NDUFS4: variants seen among roughly 807,000 people sequenced by gnomAD.
NDUFS4 encodes NADH dehydrogenase [ubiquinone] iron-sulfur protein 4, mitochondrial.
A neutral mutation model predicts 24.3 loss-of-function variants in NDUFS4; 28 were observed. That is an observed-to-expected ratio of 1.15 (90% CI 0.85 to 1.58). NDUFS4 has a LOEUF of 1.58. Ranked by LOEUF, NDUFS4 falls within the 40% of genes most tolerant of loss-of-function variation. NDUFS4 has a pLI of 0.00. For synonymous variants in NDUFS4, 93 were observed against 69.7 expected, an observed-to-expected ratio of 1.34 and a Z score of -1.67; for missense variants, 223 against 207.9, an observed-to-expected ratio of 1.07 and a Z score of -0.45.
At position 53,603,348 on chromosome 5, in the gene NDUFS4, T is replaced by TTTC. The variant is rs1750388352; in HGVS notation, c.99-102_99-101insCTT. The stretch of plus-strand genomic sequence containing the variant: ...TTTCTTTCCTTTCCTTTTTTTTTTT[T>TTTC]TTTAATAAGACAGATATTGTTAAAG... On this transcript the variant is annotated intron_variant, in intron 1 of 4. Transcript: ENST00000296684. The TTTC allele has an allele frequency of 3.9e-6, 3 of 770,732 alleles. No homozygotes were observed. In the African/African-American group the frequency reaches 5.4e-5, roughly 14 times the overall value. The allele number at this position is 770,732 out of a possible 1,614,324, so 47.7% of individuals were successfully genotyped here. A position where few individuals can be genotyped will look rare whatever the true frequency, so the allele number is the denominator to read the frequency against.
At chr5:53,609,693 A>G (rs893089552) in intron 2 of NDUFS4, among the ~76,000 whole-genome samples, 11 of 152,250 alleles carry the variant, frequency 7.2e-5, no homozygotes, top group East Asian at 3.9e-4. Context: ...TTGAAAATCT[A>G]TTGTTTAGTA....
intron 3 of NDUFS4, among the ~76,000 whole-genome samples, chr5:53,657,842 T>C (rs1752208171): frequency 6.6e-6 from 1 of 151,748 alleles, no homozygotes; most frequent in Non-Finnish European, 1.5e-5. Context: ...CGAGAATTGC[T>C]TGAACCTGGG....
intron 1 of NDUFS4, 109 bp downstream of exon 1, chr5:53,560,869 A>G: frequency 6.4e-7 from 1 of 1,568,474 alleles, no homozygotes; most frequent in Non-Finnish European, 8.6e-7. Flanking sequence ...TCCTCTGTTG[A>G]CCCTTTTCTC....
At chr5:53,673,575 C>A (rs561379173) in intron 4 of NDUFS4, among the ~76,000 whole-genome samples, 5 of 152,260 alleles carry the variant, frequency 3.3e-5, no homozygotes, top group Non-Finnish European at 7.4e-5. Flanking sequence ...TTAGCTCTTA[C>A]AATGATAAGA....
Position 53,683,299 on chromosome 5 carries a change from C to T in NDUFS4, c.*78C>T. ...ATTTATAGTCCATGTATAATAAATACATCTCTTAATCTCCTAATAAATTGG... is the reference window on the plus strand; with the variant it reads ...ATTTATAGTCCATGTATAATAAATATATCTCTTAATCTCCTAATAAATTGG... On this transcript the variant is annotated 3_prime_UTR_variant, in exon 5 of 5. Coordinates refer to ENST00000296684, the MANE Select transcript of NDUFS4 (RefSeq NM_002495.4). 1 of 1,007,436 alleles carries T rather than the reference C, an allele frequency of 9.9e-7. No homozygotes were observed. The highest frequency in any genetic ancestry group is 1.6e-6 in the Non-Finnish European group (1 of 636,538). The allele number at this position is 1,007,436 out of a possible 1,614,324, so 62.4% of individuals were successfully genotyped here.
chr5:53,579,427 A>G (rs909510709), intron 1 of NDUFS4, among the ~76,000 whole-genome samples: 9 of 152,222 alleles, frequency 5.9e-5, no homozygotes, highest in African/African-American at 2.2e-4. Context: ...AGGCTGAATA[A>G]TGACACAGCC....
intron 1 of NDUFS4, among the ~76,000 whole-genome samples, chr5:53,576,034 C>A (rs72750150): frequency 0.26 from 39,761 of 152,166 alleles, 5,853 homozygotes; most frequent in Admixed American, 0.35. Context: ...CATTGAATCA[C>A]TGGTTTAGAC....
At chr5:53,630,670 T>C (rs1363592677) in intron 2 of NDUFS4, among the ~76,000 whole-genome samples, 1 of 152,170 alleles carries the variant, frequency 6.6e-6, no homozygotes, top group African/African-American at 2.4e-5. Context: ...CTTGATCGAT[T>C]CGGCTATTGA....
intron 4 of NDUFS4, among the ~76,000 whole-genome samples, chr5:53,681,869 G>A (rs1309726124): frequency 6.6e-6 from 1 of 152,080 alleles, no homozygotes; most frequent in Non-Finnish European, 1.5e-5. Flanking sequence ...ATACTTTGAT[G>A]AGTTGAGTTC....
chr5:53,590,654 C>G (rs1417669484), intron 1 of NDUFS4, among the ~76,000 whole-genome samples: 1 of 152,148 alleles, frequency 6.6e-6, no homozygotes, highest in Non-Finnish European at 1.5e-5. Context: ...GAGACTGTCT[C>G]TAGGCAGTTA....
chr5:53,571,731 A>G (rs780007718), intron 1 of NDUFS4, among the ~76,000 whole-genome samples: 1 of 152,170 alleles, frequency 6.6e-6, no homozygotes, highest in Non-Finnish European at 1.5e-5. Flanking sequence ...CCTAGTGAGT[A>G]TAAGGTGGTA....
chr5:53,609,573 C>G (rs540880970), intron 2 of NDUFS4, among the ~76,000 whole-genome samples: 1 of 152,280 alleles, frequency 6.6e-6, no homozygotes, highest in South Asian at 2.1e-4. Context: ...ACCGGAATTG[C>G]ATTAGCCTCT....
At chr5:53,607,443 A>G (rs998244144) in intron 2 of NDUFS4, among the ~76,000 whole-genome samples, 1 of 152,214 alleles carries the variant, frequency 6.6e-6, no homozygotes, top group Admixed American at 6.5e-5. Flanking sequence ...ATGCACATGT[A>G]CCTCTTGAAT....
chr5:53,617,104 A>G (rs1489964483), intron 2 of NDUFS4, among the ~76,000 whole-genome samples: 3 of 152,150 alleles, frequency 2.0e-5, no homozygotes, highest in Non-Finnish European at 4.4e-5. Context: ...TGGTAAAGGA[A>G]GATAAGAATA....
At chr5:53,619,633 GA>G (rs1206538187) in intron 2 of NDUFS4, among the ~76,000 whole-genome samples, 11 of 151,462 alleles carry the variant, frequency 7.3e-5, no homozygotes, top group Non-Finnish European at 1.2e-4. Flanking sequence ...GCATAATGAA[GA>G]AAATTAAAAT....
intron 1 of NDUFS4, among the ~76,000 whole-genome samples, chr5:53,595,254 C>T (rs548682879): frequency 6.6e-6 from 1 of 152,176 alleles, no homozygotes; most frequent in African/African-American, 2.4e-5. Context: ...TTTTTCTTCT[C>T]ATGAGACTCA....
At chr5:53,672,424 G>T (rs1740304868) in intron 4 of NDUFS4, among the ~76,000 whole-genome samples, 1 of 152,074 alleles carries the variant, frequency 6.6e-6, no homozygotes, top group Non-Finnish European at 1.5e-5. Context: ...AGGCAAAATT[G>T]GGTTTTGGTG....
In NDUFS4 at chr5:53,646,242, A is replaced by T; in HGVS notation, c.187A>T (p.Thr63Ser). The T allele has an allele frequency of 6.2e-7, 1 of 1,609,536 alleles. No homozygotes were observed. Among genetic ancestry groups the T allele is most frequent in the East Asian group, 2.2e-5 (1 of 44,746 alleles). ...ITVDEKLDIT[T>S]LTGVPEEHIK... ...TCTTGTTTTTCTGTAGGATATCACT[A>T]CTTTAACTGGAGTTCCAGAAGAGCA... Residue 63 changes from threonine to serine, a missense_variant, in exon 3 of 5, where the codon ACT (threonine) becomes TCT (serine). Coordinates refer to ENST00000296684, the MANE Select transcript of NDUFS4 (RefSeq NM_002495.4).
At chr5:53,608,963 A>T (rs1431802497) in intron 2 of NDUFS4, among the ~76,000 whole-genome samples, 1 of 152,200 alleles carries the variant, frequency 6.6e-6, no homozygotes, top group Non-Finnish European at 1.5e-5. Context: ...CTCTATTCAG[A>T]TCCATAATCT....
Sources: gnomAD v4.1 joint callset for allele counts (sites outside exome capture counted in the v4.1 genomes callset) on GRCh38, gnomAD v4.1.1 for gene constraint, MANE v1.5 for transcripts, NCBI Gene and HGNC (gene_info 2026-07-23, HGNC 2026-07-21) for gene names.